Variants in MED26 observed in about 807,000 individuals in gnomAD.
MED26 encodes the protein mediator complex subunit 26, also known as mediator of RNA polymerase II transcription subunit 26.
Under a neutral mutation model 43.7 loss-of-function variants are expected in MED26, and 7 were observed. That is an observed-to-expected ratio of 0.16 (90% CI 0.09 to 0.30). The LOEUF is 0.30. MED26 is among the 10% of genes least tolerant of loss of function. MED26 has a pLI of 1.00. For synonymous variants in MED26, 375 were observed against 371.1 expected (o/e 1.01, Z -0.12); for missense variants, 784 against 840.6 (o/e 0.93, Z 0.83).
intron 1 of MED26, chr19:16,611,767 T>C (rs2086200489): frequency 6.6e-6 from 1 of 152,134 alleles, no homozygotes; most frequent in Non-Finnish European, 1.5e-5. Context: ...TATTTGACTC[T>C]GTGGATGCAC....
chr19:16,598,000 C>T (rs1202270017), intron 1 of MED26, among the ~76,000 whole-genome samples: 1 of 151,426 alleles, frequency 6.6e-6, no homozygotes, highest in Non-Finnish European at 1.5e-5. Context: ...GCTGGGATTA[C>T]AGGCGCAAGC....
intron 1 of MED26, among the ~76,000 whole-genome samples, chr19:16,599,332 A>G (rs922143552): frequency 3.3e-4 from 51 of 152,262 alleles, no homozygotes; most frequent in African/African-American, 1.2e-3. Flanking sequence ...CCTCTAACCC[A>G]TAGGCTTTGC....
At chr19:16,614,794 G>C (rs2086215982) in intron 1 of MED26, among the ~76,000 whole-genome samples, 1 of 152,210 alleles carries the variant, frequency 6.6e-6, no homozygotes, top group South Asian at 2.1e-4. Context: ...AGGTTGGAGA[G>C]AGCCAAGTAA....
intron 1 of MED26, among the ~76,000 whole-genome samples, chr19:16,580,978 A>G (rs2086042323): frequency 6.6e-6 from 1 of 152,134 alleles, no homozygotes; most frequent in African/African-American, 2.4e-5. Flanking sequence ...CAGGACTAGA[A>G]TGTGGACGTC....
intron 1 of MED26, among the ~76,000 whole-genome samples, chr19:16,624,901 C>T (rs996187776): frequency 2.0e-5 from 3 of 152,118 alleles, no homozygotes; most frequent in Non-Finnish European, 2.9e-5. Context: ...AGGAAACATC[C>T]CCAAGAAGCT....
In MED26 at chr19:16,623,409, AT is replaced by A. The variant is rs374570827; in HGVS notation, c.72+4462del. Among the ~76,000 whole-genome samples the A allele has an allele frequency of 2.9e-4, 44 of 152,268 alleles. No individual in the cohort carries two copies. The East Asian group carries it at 7.9e-3, about 27-fold the overall frequency. ...AGAATCAAGAGTCCTTCATTTTGCA[AT>A]TTACACCATTCTGCTTTTCTGCAGA... On this transcript the variant is annotated intron_variant, in intron 1 of 2. Coordinates refer to ENST00000263390, the MANE Select transcript of MED26 (RefSeq NM_004831.5).
chr19:16,616,532 A>G (rs1400178210), intron 1 of MED26, among the ~76,000 whole-genome samples: 1 of 152,210 alleles, frequency 6.6e-6, no homozygotes, highest in African/African-American at 2.4e-5. Flanking sequence ...TTGCAGGAAG[A>G]AGGACTCCAG....
rs2086292060 is a variant in MED26 at position 16,628,093 on chromosome 19, G to A, written c.-150C>T. 1 of 396,936 alleles carries A rather than the reference G, an allele frequency of 2.5e-6. No individual in the cohort carries two copies. The highest frequency in any genetic ancestry group is 4.4e-6 in the Non-Finnish European group (1 of 229,114). The allele number at this position is 396,936 out of a possible 1,614,324, so 24.6% of individuals were successfully genotyped here. A position where few individuals can be genotyped will look rare whatever the true frequency, so the allele number is the denominator to read the frequency against. On this transcript the variant is annotated 5_prime_UTR_variant, in exon 1 of 3. Coordinates refer to ENST00000263390, the MANE Select transcript of MED26 (RefSeq NM_004831.5). ...TTGGGGGCGCGCGGGGTGGCGGAGA[G>A]GGGAGCCGGGGCCGGGTCTCGGTCC...
At chr19:16,619,929 A>G (rs1414215256) in intron 1 of MED26, among the ~76,000 whole-genome samples, 2 of 152,206 alleles carry the variant, frequency 1.3e-5, no homozygotes, top group African/African-American at 2.4e-5. Flanking sequence ...GTTTTGTCAC[A>G]TGACCAAAAA....
intron 1 of MED26, among the ~76,000 whole-genome samples, chr19:16,618,947 C>T (rs2086238338): frequency 6.6e-6 from 1 of 152,204 alleles, no homozygotes; most frequent in South Asian, 2.1e-4. Context: ...TGTGTGAAGG[C>T]AACACTGCAA....
At chr19:16,625,127 G>C (rs2086268477) in intron 1 of MED26, among the ~76,000 whole-genome samples, 1 of 152,148 alleles carries the variant, frequency 6.6e-6, no homozygotes, top group Non-Finnish European at 1.5e-5. Flanking sequence ...GGGCTGAAAG[G>C]GTGCACGACG....
chr19:16,600,295 T>C (rs538946030), intron 1 of MED26, among the ~76,000 whole-genome samples: 6 of 152,292 alleles, frequency 3.9e-5, no homozygotes, highest in Admixed American at 1.3e-4. Context: ...GGAGAGCAGA[T>C]ACCACCCCCT....
At chr19:16,627,785 C>G (rs1277143916) in intron 1 of MED26, 87 bp downstream of exon 1, 1 of 1,008,610 alleles carries the variant, frequency 9.9e-7, no homozygotes, top group Non-Finnish European at 1.3e-6. Flanking sequence ...ACGGGTCCCC[C>G]GAAGCCCGGT....
At position 16,576,216 on chromosome 19, in the gene MED26, C is replaced by T. The variant is rs375832961; in HGVS notation, c.1614G>A (p.Thr538=). 6.4e-5 allele frequency: 103 copies of T among 1,611,868 alleles called. No homozygotes were observed. In the African/African-American group the frequency reaches 1.1e-3, roughly 18 times the overall value. ...CCTCCCGGGTCAGACCAGGGAGGTC[C>T]GTGGGCGGGCTTTGAGGCACCAGCA... ...LHVLVPQSPP[T]DLPGLTREVT... Residue 538 remains threonine (T), a synonymous_variant, in exon 3 of 3, where the codon ACG becomes ACA. Coordinates refer to ENST00000263390, the MANE Select transcript of MED26 (RefSeq NM_004831.5). The surrounding 1 kb of genome is among the most constrained non-coding windows in gnomAD (Gnocchi z 6.8).
chr19:16,586,381 C>A lies in MED26; in HGVS notation c.73-7972G>T, dbSNP rs2086070711. ...TAGCCTGACATGGCTACCAAACACA[C>A]AGGGCCCATCTGGTGCTTTGAGTAG... On this transcript the variant is annotated intron_variant, in intron 1 of 2. Coordinates refer to ENST00000263390, the MANE Select transcript of MED26 (RefSeq NM_004831.5). This position sits in a 1 kb window ranked among gnomAD's most constrained non-coding sequence, Gnocchi z 5.1. Among the ~76,000 whole-genome samples the A allele has an allele frequency of 6.6e-6, 1 of 152,250 alleles. No individual in the cohort carries two copies. The highest frequency in any genetic ancestry group is 1.5e-5 in the Non-Finnish European group (1 of 68,028).
chr19:16,627,295 A>G (rs959201576), intron 1 of MED26, among the ~76,000 whole-genome samples: 2 of 152,158 alleles, frequency 1.3e-5, no homozygotes, highest in African/African-American at 4.8e-5. Flanking sequence ...TAGTCACAGA[A>G]GGGAGACAGA....
intron 1 of MED26, among the ~76,000 whole-genome samples, chr19:16,603,344 G>C (rs1357717386): frequency 6.6e-6 from 1 of 152,158 alleles, no homozygotes; most frequent in African/African-American, 2.4e-5. Flanking sequence ...GAACTTGCAA[G>C]GCCCATAGTC....
At chr19:16,595,280 A>C (rs938875015) in intron 1 of MED26, among the ~76,000 whole-genome samples, 1 of 151,856 alleles carries the variant, frequency 6.6e-6, no homozygotes, top group African/African-American at 2.4e-5. Context: ...CTGTCTAGAC[A>C]CTCTGACCAC....
chr19:16,613,061 C>T (rs902365024), intron 1 of MED26, among the ~76,000 whole-genome samples: 10 of 152,082 alleles, frequency 6.6e-5, no homozygotes, highest in African/African-American at 2.4e-4. Flanking sequence ...TCCTTTCAGG[C>T]ACTGTTTACC....
Sources: allele counts gnomAD v4.1 joint callset (sites outside exome capture counted in the v4.1 genomes callset), GRCh38; gene constraint gnomAD v4.1.1; non-coding constraint Gnocchi (gnomAD v3.1); transcripts MANE v1.5; gene names NCBI Gene and HGNC (gene_info 2026-07-23, HGNC 2026-07-21).